Variants in PLCL1 observed in about 807,000 individuals in gnomAD.
PLCL1 encodes inactive phospholipase C-like protein 1.
PLCL1 carries 41 observed loss-of-function variants against 84.4 expected under a neutral mutation model. The observed-to-expected ratio is 0.49, with a 90% CI of 0.38 to 0.63. The LOEUF (loss-of-function observed/expected upper bound fraction) is 0.63, where lower values mean the gene tolerates loss of function less well. PLCL1 is among the 30% of genes least tolerant of loss of function. The pLI is 0.00. For missense variants in PLCL1, 1,206 were observed against 1,367.8 expected, an observed-to-expected ratio of 0.88 and a Z score of 1.87; for synonymous variants, 490 against 488.3, an observed-to-expected ratio of 1.00 and a Z score of -0.05.
At chr2:197,985,644 A>C (rs1690204823) in intron 1 of PLCL1, among the ~76,000 whole-genome samples, 1 of 152,222 alleles carries the variant, frequency 6.6e-6, no homozygotes, top group Non-Finnish European at 1.5e-5. Flanking sequence ...ATTGCAGTTC[A>C]GCCTTGCTTA....
chr2:197,858,798 C>G (rs147443660), intron 1 of PLCL1, among the ~76,000 whole-genome samples: 4 of 152,238 alleles, frequency 2.6e-5, no homozygotes, highest in African/African-American at 9.6e-5. Flanking sequence ...AGCCTGGGCT[C>G]TGCTTGGTGG....
chr2:197,938,659 T>C lies in PLCL1; in HGVS notation c.240+133320T>C, dbSNP rs573083679. The stretch of plus-strand genomic sequence containing the variant: ...GGCCAGGGGAACACATACCTAGTCC[T>C]TTCAAGGGGAATACCTGGAAGCTTG... On this transcript the variant is annotated intron_variant, in intron 1 of 5. Transcript: ENST00000428675. 3.9e-4 allele frequency among the ~76,000 whole-genome samples: 60 copies of C among 152,262 alleles called. 2 individuals carry two copies. The South Asian group carries it at 0.012, about 30-fold the overall frequency.
At chr2:197,929,020 G>C (rs192922691) in intron 1 of PLCL1, among the ~76,000 whole-genome samples, 1 of 152,054 alleles carries the variant, frequency 6.6e-6, no homozygotes, top group African/African-American at 2.4e-5. Flanking sequence ...AAACATTTTA[G>C]CATTGGCATG....
intron 1 of PLCL1, among the ~76,000 whole-genome samples, chr2:197,922,427 C>T (rs374007824): frequency 2.9e-5 from 3 of 104,628 alleles, no homozygotes; most frequent in African/African-American, 1.0e-4. Context: ...TACACAGACA[C>T]GGCAACCATC....
chr2:198,088,181 C>G (rs1303790186), intron 2 of PLCL1, among the ~76,000 whole-genome samples: 1 of 151,852 alleles, frequency 6.6e-6, no homozygotes, highest in Non-Finnish European at 1.5e-5. Context: ...ATCCAGGTAG[C>G]GTTGATAGTT....
At chr2:198,077,355 T>A (rs1028942014) in intron 1 of PLCL1, among the ~76,000 whole-genome samples, 16 of 150,832 alleles carry the variant, frequency 1.1e-4, no homozygotes, top group African/African-American at 2.2e-4. Flanking sequence ...AATAATAATT[T>A]AAAAAAAAAG....
rs1348123265 is a variant in PLCL1 at position 198,015,766 on chromosome 2, A to T, written c.241-67992A>T. On this transcript the variant is annotated intron_variant, in intron 1 of 5. Coordinates refer to ENST00000428675, the MANE Select transcript of PLCL1 (RefSeq NM_006226.4). Reference sequence around the variant, plus strand: ...GTCACGGTGGTGGTAACCTACTCCAAATACTGTACTCAGAGCATATGTGTG... The same window carrying T: ...GTCACGGTGGTGGTAACCTACTCCATATACTGTACTCAGAGCATATGTGTG... Among the ~76,000 whole-genome samples, 3 of 152,282 alleles carry T rather than the reference A, an allele frequency of 2.0e-5. No homozygotes were observed. In the East Asian group the frequency reaches 5.8e-4, roughly 29 times the overall value.
chr2:197,827,293 T>C (rs1690950957), intron 1 of PLCL1, among the ~76,000 whole-genome samples: 1 of 152,166 alleles, frequency 6.6e-6, no homozygotes, highest in African/African-American at 2.4e-5. Context: ...TTTCTTCCAG[T>C]TCCAATTCCT....
At chr2:197,824,538 A>G (rs1035392022) in intron 1 of PLCL1, among the ~76,000 whole-genome samples, 1 of 151,838 alleles carries the variant, frequency 6.6e-6, no homozygotes, top group African/African-American at 2.4e-5. Context: ...ACATAGTGAG[A>G]CCCCATCTGT....
intron 1 of PLCL1, among the ~76,000 whole-genome samples, chr2:197,971,018 T>C (rs1483727081): frequency 6.6e-6 from 1 of 152,272 alleles, no homozygotes; most frequent in Non-Finnish European, 1.5e-5. Flanking sequence ...GCTGGGGTTA[T>C]GCCCATTAAA....
At position 198,037,131 on chromosome 2, in the gene PLCL1, G is replaced by A. The variant is rs577725872; in HGVS notation, c.241-46627G>A. On this transcript the variant is annotated intron_variant, in intron 1 of 5. Coordinates refer to ENST00000428675, the MANE Select transcript of PLCL1 (RefSeq NM_006226.4). ...CTCTTGATTGTCTTTAATTTTACTC[G>A]AGAGAGTCCATTTCTAAATTCTTCA... is the stretch of plus-strand genomic sequence containing the variant. Among the ~76,000 whole-genome samples the A allele has an allele frequency of 7.2e-5, 11 of 152,174 alleles. No individual in the cohort carries two copies. In the East Asian group the frequency reaches 1.2e-3, roughly 16 times the overall value.
At chr2:198,109,004 A>G (rs530396568) in intron 5 of PLCL1, among the ~76,000 whole-genome samples, 18 of 151,838 alleles carry the variant, frequency 1.2e-4, no homozygotes, top group Non-Finnish European at 2.2e-4. Flanking sequence ...GATCAAAATA[A>G]CTCCATTCCA....
chr2:198,081,099 G>A lies in PLCL1; in HGVS notation c.241-2659G>A, dbSNP rs553854167. Among the ~76,000 whole-genome samples, 33 of 152,268 alleles carry A rather than the reference G, an allele frequency of 2.2e-4. 1 individual carries two copies. In the South Asian group the frequency reaches 5.2e-3, roughly 24 times the overall value. Reference sequence around the variant, plus strand: ...AGCAGGGCGATAGACTGTGGAGAACGCTAGCATAATATCATACTTGGGGTA... The same window carrying A: ...AGCAGGGCGATAGACTGTGGAGAACACTAGCATAATATCATACTTGGGGTA... On this transcript the variant is annotated intron_variant, in intron 1 of 5. Transcript: ENST00000428675.
chr2:198,035,499 G>T (rs1691534416), intron 1 of PLCL1, among the ~76,000 whole-genome samples: 1 of 152,054 alleles, frequency 6.6e-6, no homozygotes, highest in Non-Finnish European at 1.5e-5. Flanking sequence ...GTTTGTTTTT[G>T]GTTTTTTTCC....
At chr2:197,850,007 C>G (rs987616460) in intron 1 of PLCL1, among the ~76,000 whole-genome samples, 8 of 144,966 alleles carry the variant, frequency 5.5e-5, no homozygotes, top group African/African-American at 2.1e-4. Context: ...AACACACAGA[C>G]ACACAGACAC....
intron 1 of PLCL1, among the ~76,000 whole-genome samples, chr2:197,949,032 T>C (rs778328294): frequency 2.5e-4 from 38 of 152,066 alleles, no homozygotes; most frequent in Non-Finnish European, 3.2e-4. Flanking sequence ...TCCTCCTGCT[T>C]CTCTGCATGC....
intron 1 of PLCL1, among the ~76,000 whole-genome samples, chr2:198,030,881 A>G (rs1267504608): frequency 6.6e-6 from 1 of 152,172 alleles, no homozygotes; most frequent in Non-Finnish European, 1.5e-5. Flanking sequence ...TGTAATATAG[A>G]AGGCAGACTT....
At chr2:198,064,555 A>G (rs1391047696) in intron 1 of PLCL1, among the ~76,000 whole-genome samples, 1 of 152,184 alleles carries the variant, frequency 6.6e-6, no homozygotes, top group Non-Finnish European at 1.5e-5. Flanking sequence ...GAAATTCTAT[A>G]TAATTTAATA....
chr2:197,912,487 A>G (rs1413340728), intron 1 of PLCL1, among the ~76,000 whole-genome samples: 7 of 151,872 alleles, frequency 4.6e-5, no homozygotes, highest in East Asian at 1.9e-4. Context: ...ATAAAGACAC[A>G]TGCACACGTA....
Sources: allele counts gnomAD v4.1 joint callset (sites outside exome capture counted in the v4.1 genomes callset), GRCh38; gene constraint gnomAD v4.1.1; transcripts MANE v1.5; gene names NCBI Gene and HGNC (gene_info 2026-07-23, HGNC 2026-07-21).